ZNF69: variants seen among roughly 807,000 people sequenced by gnomAD.
ZNF69 encodes the protein ZNF3.
ZNF69 carries 47 observed loss-of-function variants against 50.9 expected under a neutral mutation model. The observed-to-expected ratio is 0.92, with a 90% CI of 0.73 to 1.18. The LOEUF is 1.18. ZNF69 is among the 50% of genes most tolerant of loss of function. The probability of loss-of-function intolerance (pLI) is 0.00; values close to 1 mark genes in which losing one functional copy is unlikely to be tolerated. For synonymous variants in ZNF69, 216 were observed against 223.1 expected (o/e 0.97, Z 0.29); for missense variants, 717 against 675.1 (o/e 1.06, Z -0.69).
chr19:11,928,983 C>T, the ZNF69 span, among the ~76,000 whole-genome samples: 5 of 147,368 alleles, frequency 3.4e-5, no homozygotes, highest in Non-Finnish European at 7.4e-5. Context: ...TCCTGTTTCC[C>T]TTCAGTCATT....
intron 1 of ZNF69, among the ~76,000 whole-genome samples, chr19:11,895,728 T>C (rs1042418682): frequency 8.5e-5 from 13 of 152,210 alleles, no homozygotes; most frequent in African/African-American, 3.1e-4. Context: ...AAATGCATGC[T>C]AAGGTAACAT....
chr19:11,932,035 A>C, the ZNF69 span, among the ~76,000 whole-genome samples: 15 of 147,678 alleles, frequency 1.0e-4, 1 homozygote, highest in African/African-American at 3.7e-4. Context: ...GAATCGCTTG[A>C]ACCTGGGAGG....
the ZNF69 span, among the ~76,000 whole-genome samples, chr19:11,955,893 A>G: frequency 6.6e-6 from 1 of 152,146 alleles, no homozygotes; most frequent in East Asian, 1.9e-4. Flanking sequence ...GTGCTTTGTT[A>G]TGGAAATCAT....
At chr19:11,932,635 A>AT in the ZNF69 span, among the ~76,000 whole-genome samples, 29,105 of 116,744 alleles carry the variant, frequency 0.25, 4,859 homozygotes, top group Non-Finnish European at 0.3. Context: ...CCAATATGTG[A>AT]TTTTTTTTTT....
At chr19:11,973,010 C>T in the ZNF69 span, among the ~76,000 whole-genome samples, 28 of 152,052 alleles carry the variant, frequency 1.8e-4, no homozygotes, top group African/African-American at 6.0e-4. Flanking sequence ...CATGTGAACA[C>T]GATGGAAATT....
the ZNF69 span, among the ~76,000 whole-genome samples, chr19:11,974,109 CTTT>C: frequency 2.9e-5 from 2 of 67,920 alleles, no homozygotes; most frequent in African/African-American, 1.1e-4. Context: ...TTCTTTCTTT[CTTT>C]CTTTCTTTCT....
chr19:11,901,881 C>G (rs1972251137), intron 1 of ZNF69, among the ~76,000 whole-genome samples: 1 of 151,536 alleles, frequency 6.6e-6, no homozygotes, highest in Non-Finnish European at 1.5e-5. Flanking sequence ...TTTGACAGAT[C>G]TACATAAGTT....
chr19:11,922,364 G>A, the ZNF69 span, among the ~76,000 whole-genome samples: 2 of 152,152 alleles, frequency 1.3e-5, no homozygotes, highest in African/African-American at 4.8e-5. Flanking sequence ...ACCCCACTTT[G>A]TCTTCGTTCA....
the ZNF69 span, among the ~76,000 whole-genome samples, chr19:11,959,196 A>T: frequency 6.6e-6 from 1 of 152,134 alleles, no homozygotes; most frequent in East Asian, 1.9e-4. Context: ...CACATCTGAG[A>T]ATTTTGTTTT....
chr19:11,929,787 T>C, the ZNF69 span, among the ~76,000 whole-genome samples: 8 of 148,032 alleles, frequency 5.4e-5, no homozygotes, highest in East Asian at 1.5e-3. Flanking sequence ...GGGCTTGCAG[T>C]GAAATCTGTT....
the ZNF69 span, among the ~76,000 whole-genome samples, chr19:11,951,055 G>A: frequency 6.7e-6 from 1 of 149,620 alleles, no homozygotes; most frequent in South Asian, 2.1e-4. Flanking sequence ...GGAGGCTGAG[G>A]CAGGAGAATC....
At chr19:11,974,471 T>C in the ZNF69 span, among the ~76,000 whole-genome samples, 3 of 151,990 alleles carry the variant, frequency 2.0e-5, no homozygotes, top group Non-Finnish European at 2.9e-5. Flanking sequence ...TGCTCAATTA[T>C]AGGTGTGAGC....
At chr19:11,895,049 AC>A (rs1436129784) in intron 1 of ZNF69, among the ~76,000 whole-genome samples, 13 of 152,140 alleles carry the variant, frequency 8.5e-5, no homozygotes, top group Non-Finnish European at 1.2e-4. Context: ...TGATAGGGTG[AC>A]CTGTGCTGAC....
chr19:11,922,547 G>C, the ZNF69 span, among the ~76,000 whole-genome samples: 5 of 152,208 alleles, frequency 3.3e-5, no homozygotes, highest in Non-Finnish European at 7.3e-5. Flanking sequence ...CTGACTTAAT[G>C]ATTAATGCTG....
At chr19:11,940,439 C>T in the ZNF69 span, among the ~76,000 whole-genome samples, 2 of 151,880 alleles carry the variant, frequency 1.3e-5, no homozygotes, top group African/African-American at 2.4e-5. Context: ...CTCGCTGGCT[C>T]AGGAGTGAAG....
At chr19:11,903,498 T>C in intron 1 of ZNF69, 75 bp from the exon 2 acceptor site, 2 of 1,586,850 alleles carry the variant, frequency 1.3e-6, no homozygotes, top group Non-Finnish European at 1.7e-6. Flanking sequence ...TCCTGAGAAC[T>C]TCTTGAGAAT....
chr19:11,975,027 A>G, the ZNF69 span, among the ~76,000 whole-genome samples: 2 of 151,924 alleles, frequency 1.3e-5, no homozygotes, highest in Non-Finnish European at 2.9e-5. Flanking sequence ...GATGAATTCT[A>G]TTGTGTTCTG....
chr19:11,911,771 TAACA>T (rs1279480345), intron 4 of ZNF69, among the ~76,000 whole-genome samples: 2 of 152,138 alleles, frequency 1.3e-5, no homozygotes, highest in South Asian at 2.1e-4. Context: ...TATACATATG[TAACA>T]AACCTGCACA....
the ZNF69 span, among the ~76,000 whole-genome samples, chr19:11,922,357 CCA>C: frequency 6.6e-6 from 1 of 152,082 alleles, no homozygotes; most frequent in African/African-American, 2.4e-5. Context: ...TATAAAAACC[CCA>C]CTTTGTCTTC....
Sources: allele counts gnomAD v4.1 joint callset (sites outside exome capture counted in the v4.1 genomes callset), GRCh38; gene constraint gnomAD v4.1.1; transcripts MANE v1.5; gene names NCBI Gene and HGNC (gene_info 2026-07-23, HGNC 2026-07-21).